ZBTB2: variants seen among roughly 807,000 people sequenced by gnomAD.
ZBTB2 encodes the protein zinc finger and BTB domain-containing protein 2.
ZBTB2 carries 2 observed loss-of-function variants against 39.5 expected under a neutral mutation model. That is an observed-to-expected ratio of 0.05 (90% confidence interval 0.02 to 0.16). ZBTB2 has a LOEUF of 0.16. Among genes scored for constraint, ZBTB2 ranks in the 10% least tolerant of loss-of-function variants. ZBTB2 has a pLI of 1.00. For synonymous variants in ZBTB2, 251 were observed against 256.6 expected, an observed-to-expected ratio of 0.98 and a Z score of 0.21; for missense variants, 391 against 653.0, an observed-to-expected ratio of 0.60 and a Z score of 4.37.
intron 1 of ZBTB2, among the ~76,000 whole-genome samples, chr6:151,389,590 CCTT>C (rs1779237986): frequency 1.3e-5 from 2 of 152,156 alleles, no homozygotes; most frequent in Admixed American, 6.5e-5. Context: ...ATAATTCTGA[CCTT>C]CTTTATGCTT....
Position 151,365,433 on chromosome 6 carries a change from G to A in ZBTB2, c.*88C>T. ...GAGAACAAGGACCTGTTTGTATCAT[G>A]CCATGGAGAACTACAGTTCTGAATT... On this transcript the variant is annotated 3_prime_UTR_variant, in exon 3 of 3. Coordinates refer to ENST00000325144, the MANE Select transcript of ZBTB2 (RefSeq NM_020861.3). The surrounding 1 kb of genome is among the most constrained non-coding windows in gnomAD (Gnocchi z 5.6). The A allele has an allele frequency of 1.4e-6, 2 of 1,434,368 alleles. No homozygotes were observed. Among genetic ancestry groups the A allele is most frequent in the Non-Finnish European group, 1.9e-6 (2 of 1,058,780 alleles). The allele number at this position is 1,434,368 out of a possible 1,614,324, so 88.9% of individuals were successfully genotyped here.
intron 2 of ZBTB2, among the ~76,000 whole-genome samples, chr6:151,369,895 C>T (rs1262295198): frequency 3.9e-5 from 6 of 152,050 alleles, no homozygotes; most frequent in African/African-American, 1.4e-4. Context: ...GCGACAAGAG[C>T]GAGACTCCAT....
intron 1 of ZBTB2, among the ~76,000 whole-genome samples, chr6:151,388,194 G>C (rs933930434): frequency 1.1e-4 from 16 of 152,128 alleles, no homozygotes; most frequent in Non-Finnish European, 2.4e-4. Context: ...GGTGCATTTG[G>C]TATTTTATGG....
chr6:151,377,731 CCA>C (rs749227924), intron 1 of ZBTB2, among the ~76,000 whole-genome samples: 66 of 151,842 alleles, frequency 4.3e-4, no homozygotes, highest in Non-Finnish European at 8.5e-4. Context: ...TGGGGTTTCA[CCA>C]TGTTGTTAGC....
intron 1 of ZBTB2, among the ~76,000 whole-genome samples, chr6:151,375,498 A>C (rs1778887375): frequency 6.6e-6 from 1 of 152,242 alleles, no homozygotes; most frequent in South Asian, 2.1e-4. Context: ...TTTTTTGTAG[A>C]TATAGACAAA....
chr6:151,375,497 G>A (rs1778887328), intron 1 of ZBTB2, among the ~76,000 whole-genome samples: 1 of 152,122 alleles, frequency 6.6e-6, no homozygotes. Flanking sequence ...TTTTTTTGTA[G>A]ATATAGACAA....
At chr6:151,381,712 G>A (rs1329003046) in intron 1 of ZBTB2, among the ~76,000 whole-genome samples, 1 of 152,118 alleles carries the variant, frequency 6.6e-6, no homozygotes, top group East Asian at 1.9e-4. Flanking sequence ...CAGGCTTTCT[G>A]ATTTCACAGA....
At chr6:151,381,272 G>A (rs1054871915) in intron 1 of ZBTB2, among the ~76,000 whole-genome samples, 1 of 152,194 alleles carries the variant, frequency 6.6e-6, no homozygotes, top group Non-Finnish European at 1.5e-5. Context: ...TGTAATCCCA[G>A]CACTTTGGGA....
chr6:151,383,784 C>T (rs1582923352), intron 1 of ZBTB2, among the ~76,000 whole-genome samples: 1 of 151,888 alleles, frequency 6.6e-6, no homozygotes, highest in African/African-American at 2.4e-5. Context: ...CACACACATA[C>T]CCCTGCCCCT....
intron 1 of ZBTB2, among the ~76,000 whole-genome samples, chr6:151,379,229 T>C (rs1778980779): frequency 6.6e-6 from 1 of 152,266 alleles, no homozygotes; most frequent in Admixed American, 6.5e-5. Context: ...TTTTACTTTG[T>C]ATGCCTTTAA....
At chr6:151,388,110 T>C (rs571457307) in intron 1 of ZBTB2, among the ~76,000 whole-genome samples, 2 of 152,008 alleles carry the variant, frequency 1.3e-5, no homozygotes, top group African/African-American at 4.8e-5. Context: ...AGTTCCCTTT[T>C]AGGTTTTCAG....
intron 1 of ZBTB2, among the ~76,000 whole-genome samples, chr6:151,383,579 T>C (rs1175780212): frequency 1.3e-5 from 2 of 152,160 alleles, no homozygotes; most frequent in Non-Finnish European, 2.9e-5. Flanking sequence ...ATGATTTGGC[T>C]CCTGACAGCG....
intron 1 of ZBTB2, among the ~76,000 whole-genome samples, chr6:151,379,401 G>A (rs1778983670): frequency 6.6e-6 from 1 of 152,084 alleles, no homozygotes; most frequent in African/African-American, 2.4e-5. Context: ...AGCACTTGGG[G>A]AGGCCAAGGT....
At position 151,389,077 on chromosome 6, in the gene ZBTB2, T is replaced by C. The variant is rs565201407; in HGVS notation, c.-13+2343A>G. Among the ~76,000 whole-genome samples the C allele has an allele frequency of 3.9e-4, 59 of 152,290 alleles. 1 individual carries two copies. Among genetic ancestry groups the C allele is most frequent in the African/African-American group, 1.4e-3 (59 of 41,540 alleles). ...AACCACAAGTTTATTAAATGAGAAA[T>C]GCCCAGTTTAAAAGGATGTCCTATT... On this transcript the variant is annotated intron_variant, in intron 1 of 2. Transcript: ENST00000325144.
At chr6:151,385,563 T>A (rs1311918515) in intron 1 of ZBTB2, among the ~76,000 whole-genome samples, 1 of 152,214 alleles carries the variant, frequency 6.6e-6, no homozygotes, top group Non-Finnish European at 1.5e-5. Context: ...TTTTTAAAGA[T>A]AATAGCTGTT....
chr6:151,389,274 GAAA>G (rs1415908112), intron 1 of ZBTB2, among the ~76,000 whole-genome samples: 2 of 151,364 alleles, frequency 1.3e-5, no homozygotes, highest in Non-Finnish European at 2.9e-5. Context: ...AAGGAAAAAA[GAAA>G]AAAGAAAAAA....
chr6:151,365,473 A>AAG lies in ZBTB2; in HGVS notation c.*46_*47dup, dbSNP rs1303275955. On this transcript the variant is annotated 3_prime_UTR_variant, in exon 3 of 3. Transcript: ENST00000325144. The surrounding 1 kb of genome is among the most constrained non-coding windows in gnomAD (Gnocchi z 5.6). ...AGTTCTGAATTCAGGGAAGGGAGGG[A>AAG]AGATAGTCTTTGTAAAAATGAGAGT... is the stretch of plus-strand genomic sequence containing the variant. The AAG allele has an allele frequency of 6.5e-7, 1 of 1,548,678 alleles. No homozygotes were observed. The highest frequency in any genetic ancestry group is 8.7e-7 in the Non-Finnish European group (1 of 1,148,868).
intron 2 of ZBTB2, among the ~76,000 whole-genome samples, chr6:151,369,431 C>T (rs1778730818): frequency 6.6e-6 from 1 of 152,110 alleles, no homozygotes; most frequent in African/African-American, 2.4e-5. Context: ...TAGCTGACTG[C>T]AGCCTCAGCC....
chr6:151,390,551 GC>G (rs1474730962), intron 1 of ZBTB2, among the ~76,000 whole-genome samples: 1 of 150,554 alleles, frequency 6.6e-6, no homozygotes, highest in Non-Finnish European at 1.5e-5. Flanking sequence ...GGCGGGGGTG[GC>G]CCAGACAGGG....
Sources: gnomAD v4.1 joint callset for allele counts (sites outside exome capture counted in the v4.1 genomes callset) on GRCh38, gnomAD v4.1.1 for gene constraint, Gnocchi (gnomAD v3.1) non-coding constraint, MANE v1.5 for transcripts, NCBI Gene and HGNC (gene_info 2026-07-23, HGNC 2026-07-21) for gene names.